MCTP1: variants seen among roughly 807,000 people sequenced by gnomAD.
MCTP1 encodes multiple C2 and transmembrane domain-containing protein 1.
MCTP1 carries 69 observed loss-of-function variants against 120.6 expected under a neutral mutation model. That is an observed-to-expected ratio of 0.57 (90% CI 0.47 to 0.70). MCTP1 has a LOEUF of 0.70. Ranked by LOEUF, MCTP1 falls within the 30% of genes least tolerant of loss-of-function variation. MCTP1 has a pLI of 0.00. For missense variants in MCTP1, 1,203 were observed against 1,248.8 expected, an observed-to-expected ratio of 0.96 and a Z score of 0.55; for synonymous variants, 529 against 493.1, an observed-to-expected ratio of 1.07 and a Z score of -0.96.
At chr5:95,255,384 A>G (rs1171107186) in intron 1 of MCTP1, among the ~76,000 whole-genome samples, 1 of 152,222 alleles carries the variant, frequency 6.6e-6, no homozygotes, top group Non-Finnish European at 1.5e-5. Context: ...GAATTTGGAT[A>G]CTTTAAAGAA....
At chr5:94,759,903 GAAAAAAAAAAAA>G (rs10719332) in intron 19 of MCTP1, among the ~76,000 whole-genome samples, 1 of 78,906 alleles carries the variant, frequency 1.3e-5, no homozygotes, top group African/African-American at 5.1e-5. Flanking sequence ...TTTTCAAAGA[GAAAAAAAAAAAA>G]AAAAAAAAAG....
intron 19 of MCTP1, among the ~76,000 whole-genome samples, chr5:94,734,028 T>C (rs545972406): frequency 1.3e-5 from 2 of 151,940 alleles, no homozygotes; most frequent in African/African-American, 4.8e-5. Flanking sequence ...CTCTGTTCAA[T>C]CAAATAACCC....
intron 1 of MCTP1, among the ~76,000 whole-genome samples, chr5:95,267,845 C>A (rs929492716): frequency 1.3e-5 from 2 of 152,266 alleles, no homozygotes; most frequent in Non-Finnish European, 2.9e-5. Context: ...CCCCAACACA[C>A]ACACACCTTC....
chr5:94,998,935 G>A (rs879313868), intron 2 of MCTP1, among the ~76,000 whole-genome samples: 1 of 152,170 alleles, frequency 6.6e-6, no homozygotes, highest in Non-Finnish European at 1.5e-5. Context: ...TTCGGCAGAG[G>A]CAGAGCGTTT....
At chr5:95,140,040 C>T (rs1203316739) in intron 1 of MCTP1, among the ~76,000 whole-genome samples, 1 of 152,200 alleles carries the variant, frequency 6.6e-6, no homozygotes, top group Non-Finnish European at 1.5e-5. Context: ...AAGCTAAACC[C>T]ACTTTCATCT....
intron 11 of MCTP1, among the ~76,000 whole-genome samples, chr5:94,892,810 T>C (rs937030335): frequency 5.9e-5 from 9 of 152,202 alleles, no homozygotes; most frequent in Admixed American, 4.6e-4. Flanking sequence ...TATATGTTTC[T>C]CCAAAACAAA....
chr5:95,258,160 A>G (rs1408824039), intron 1 of MCTP1, among the ~76,000 whole-genome samples: 2 of 152,220 alleles, frequency 1.3e-5, no homozygotes, highest in Non-Finnish European at 2.9e-5. Context: ...GGGTGAGGGC[A>G]GGTAAAGTGC....
intron 1 of MCTP1, among the ~76,000 whole-genome samples, chr5:95,163,066 TGTC>T (rs1294744806): frequency 6.6e-6 from 1 of 152,240 alleles, no homozygotes; most frequent in Non-Finnish European, 1.5e-5. Flanking sequence ...CATCAAAATT[TGTC>T]TTCTTTGTAT....
At chr5:94,994,304 G>C (rs909394897) in intron 2 of MCTP1, among the ~76,000 whole-genome samples, 1 of 152,176 alleles carries the variant, frequency 6.6e-6, no homozygotes, top group Admixed American at 6.5e-5. Flanking sequence ...AGAGTTTCAC[G>C]GGTATCTAGA....
At chr5:95,225,994 T>C (rs573216348) in intron 1 of MCTP1, among the ~76,000 whole-genome samples, 17 of 152,338 alleles carry the variant, frequency 1.1e-4, no homozygotes, top group Admixed American at 7.8e-4. Context: ...ATATCATCTC[T>C]AATTTTATTT....
At chr5:94,766,325 A>G (rs1772698502) in intron 19 of MCTP1, among the ~76,000 whole-genome samples, 1 of 152,224 alleles carries the variant, frequency 6.6e-6, no homozygotes, top group African/African-American at 2.4e-5. Flanking sequence ...CATATACACC[A>G]TGGAATACTA....
intron 1 of MCTP1, among the ~76,000 whole-genome samples, chr5:95,117,144 T>C (rs902074185): frequency 7.9e-5 from 12 of 151,798 alleles, no homozygotes; most frequent in African/African-American, 2.9e-4. Context: ...AAAAAAAAGC[T>C]CTTTGGGAGG....
chr5:95,154,506 A>G (rs1301949259), intron 1 of MCTP1, among the ~76,000 whole-genome samples: 1 of 152,232 alleles, frequency 6.6e-6, no homozygotes, highest in Non-Finnish European at 1.5e-5. Flanking sequence ...CAACATAATG[A>G]GCAAGAGAGC....
chr5:94,922,839 T>C (rs1049822833), intron 7 of MCTP1, among the ~76,000 whole-genome samples: 11 of 152,120 alleles, frequency 7.2e-5, no homozygotes, highest in African/African-American at 2.4e-4. Context: ...CATGGAACAA[T>C]TTAAAAGCAC....
intron 1 of MCTP1, among the ~76,000 whole-genome samples, chr5:95,258,150 G>T (rs1363426916): frequency 6.6e-6 from 1 of 152,120 alleles, no homozygotes; most frequent in Non-Finnish European, 1.5e-5. Flanking sequence ...AAATGGGGTG[G>T]GGTGAGGGCA....
At chr5:95,042,293 A>T (rs1460124777) in intron 1 of MCTP1, among the ~76,000 whole-genome samples, 1 of 152,218 alleles carries the variant, frequency 6.6e-6, no homozygotes, top group African/African-American at 2.4e-5. Flanking sequence ...AGTGTCAAGT[A>T]CACACTTTAA....
rs773751173 is a variant in MCTP1 at position 94,909,385 on chromosome 5, G to A, written c.1522-4C>T. On this transcript the variant is annotated splice_polypyrimidine_tract_variant and splice_region_variant and intron_variant, in intron 9 of 22. Transcript: ENST00000515393. ...GATTCAACGTTTTTGGCATAATCTGGAAAAAAAAATCATAATTGTCATATT... is the reference window on the plus strand; with the variant it reads ...GATTCAACGTTTTTGGCATAATCTGAAAAAAAAAATCATAATTGTCATATT... The A allele has an allele frequency of 1.0e-4, 160 of 1,545,188 alleles. No individual in the cohort carries two copies. Among genetic ancestry groups the A allele is most frequent in the Non-Finnish European group, 1.2e-4 (140 of 1,153,000 alleles).
chr5:94,909,840 A>T (rs954305926), intron 9 of MCTP1, among the ~76,000 whole-genome samples: 1 of 152,116 alleles, frequency 6.6e-6, no homozygotes. Flanking sequence ...ACTTGAGTAC[A>T]TGAAAAACAG....
At chr5:94,714,496 C>G (rs968645363) in intron 20 of MCTP1, among the ~76,000 whole-genome samples, 3 of 152,110 alleles carry the variant, frequency 2.0e-5, no homozygotes, top group Admixed American at 1.3e-4. Flanking sequence ...CAAAGTCTTT[C>G]ACAGTGAAAA....
Sources: gnomAD v4.1 joint callset for allele counts (sites outside exome capture counted in the v4.1 genomes callset) on GRCh38, gnomAD v4.1.1 for gene constraint, MANE v1.5 for transcripts, NCBI Gene and HGNC (gene_info 2026-07-23, HGNC 2026-07-21) for gene names.